The following RGP1 variants were observed in gnomAD, a reference collection of about 807,000 sequenced individuals.
RGP1 encodes RAB6A-GEF complex partner protein 2.
In RGP1, 28 loss-of-function variants were observed where a neutral mutation model predicts 44.5. The ratio of observed to expected loss-of-function variants is 0.63; its 90% CI spans 0.47 to 0.86. The LOEUF is 0.86. Ranked by LOEUF, RGP1 falls within the 40% of genes least tolerant of loss-of-function variation. The probability of loss-of-function intolerance (pLI) is 0.00; values close to 1 mark genes in which losing one functional copy is unlikely to be tolerated. For synonymous variants in RGP1, 212 were observed against 196.7 expected, an observed-to-expected ratio of 1.08 and a Z score of -0.65; for missense variants, 417 against 490.7, an observed-to-expected ratio of 0.85 and a Z score of 1.42.
chr9:35,789,329 CTTTTTTTTT>C, the RGP1 span, among the ~76,000 whole-genome samples: 11 of 137,682 alleles, frequency 8.0e-5, no homozygotes, highest in Non-Finnish European at 7.9e-5. Context: ...CTTCCACTTC[CTTTTTTTTT>C]TTTTTTTTTT....
chr9:35,770,449 C>CATAGAAATTGGTT, the RGP1 span, among the ~76,000 whole-genome samples: 1 of 147,298 alleles, frequency 6.8e-6, no homozygotes, highest in Non-Finnish European at 1.5e-5. Flanking sequence ...ATTCTTGGCA[C>CATAGAAATTGGTT]ATAGAAATTG....
At chr9:35,769,003 G>A in the RGP1 span, among the ~76,000 whole-genome samples, 1 of 152,188 alleles carries the variant, frequency 6.6e-6, no homozygotes, top group Non-Finnish European at 1.5e-5. Context: ...CACCACTTTC[G>A]ATAAACTGAG....
At chr9:35,779,318 T>C in the RGP1 span, among the ~76,000 whole-genome samples, 1 of 152,032 alleles carries the variant, frequency 6.6e-6, no homozygotes, top group Non-Finnish European at 1.5e-5. Flanking sequence ...TTCCCTCCTT[T>C]CCCCCCTTAA....
chr9:35,783,323 A>G, the RGP1 span, among the ~76,000 whole-genome samples: 1 of 152,198 alleles, frequency 6.6e-6, no homozygotes, highest in Admixed American at 6.5e-5. Context: ...CTTTGTGGTA[A>G]GAACATTCAA....
At position 35,758,117 on chromosome 9, in the gene RGP1, T is replaced by C. The variant is rs904191334; in HGVS notation, c.*5243T>C. On this transcript the variant is annotated 3_prime_UTR_variant, in exon 9 of 9. Transcript: ENST00000378078. ...GATCAGTAGTGCTGCACTTCCACTT[T>C]TCCTCTCCCTCATTTTACTGTCTTT... 3 of 152,236 alleles carry C rather than the reference T, an allele frequency of 2.0e-5. No homozygotes were observed. The highest frequency in any genetic ancestry group is 7.2e-5 in the African/African-American group (3 of 41,462). The allele number at this position is 152,236 out of a possible 1,614,324, so 9.4% of individuals were successfully genotyped here. A position where few individuals can be genotyped will look rare whatever the true frequency, so the allele number is the denominator to read the frequency against.
chr9:35,782,558 T>C, the RGP1 span, among the ~76,000 whole-genome samples: 3 of 152,176 alleles, frequency 2.0e-5, no homozygotes, highest in Non-Finnish European at 2.9e-5. Context: ...ATGATTCTCC[T>C]GCTCAGTCTC....
rs751932868 is a variant in RGP1 at position 35,753,970 on chromosome 9, C to T, written c.*1096C>T. The T allele has an allele frequency of 6.2e-7, 1 of 1,601,262 alleles. No homozygotes were observed. Among genetic ancestry groups the T allele is most frequent in the Admixed American group, 1.7e-5 (1 of 59,432 alleles). ...CCTCCCTGTGCCCTCTCTGCTGCTC[C>T]TCCATTCCTAACGCTTCACCCCACT... is the stretch of plus-strand genomic sequence containing the variant. On this transcript the variant is annotated 3_prime_UTR_variant, in exon 9 of 9. Coordinates refer to ENST00000378078, the MANE Select transcript of RGP1 (RefSeq NM_001080496.3). This position sits in a 1 kb window ranked among gnomAD's most constrained non-coding sequence, Gnocchi z 4.2.
Position 35,753,667 on chromosome 9 carries a change from A to C in RGP1, c.*793A>C. ...CCATCTTTGGTCACTCACGTGTCAC[A>C]GCAGCCCACGCCAACAGGATGCAGA... is the stretch of plus-strand genomic sequence containing the variant. On this transcript the variant is annotated 3_prime_UTR_variant, in exon 9 of 9. Transcript: ENST00000378078. This position sits in a 1 kb window ranked among gnomAD's most constrained non-coding sequence, Gnocchi z 4.2. 1.2e-6 allele frequency: 2 copies of C among 1,613,712 alleles called. No homozygotes were observed. Among genetic ancestry groups the C allele is most frequent in the Non-Finnish European group, 1.7e-6 (2 of 1,179,644 alleles).
downstream of RGP1, among the ~76,000 whole-genome samples, chr9:35,762,865 TA>T (rs397978318): frequency 2.8e-4 from 42 of 147,964 alleles, no homozygotes; most frequent in Admixed American, 2.7e-4. Flanking sequence ...GTTCTGCTGT[TA>T]AAAAAAAAAA....
chr9:35,751,958 T>C lies in RGP1; in HGVS notation c.765T>C (p.Phe255=). Reference sequence around the variant, plus strand: ...ACACACCTGTCTCTTGCTCCCAGTTTTCAGTCAGCTTACAGACCGAGGAGC... The same window carrying C: ...ACACACCTGTCTCTTGCTCCCAGTTCTCAGTCAGCTTACAGACCGAGGAGC... ...LGEGTVACLQ[F]SVSLQTEERV... Residue 255 remains phenylalanine, a splice_region_variant and synonymous_variant, in exon 8 of 9, where the codon TTT becomes TTC. Coordinates refer to ENST00000378078, the MANE Select transcript of RGP1 (RefSeq NM_001080496.3). The C allele has an allele frequency of 6.4e-7, 1 of 1,567,046 alleles. No individual in the cohort carries two copies. The highest frequency in any genetic ancestry group is 8.7e-7 in the Non-Finnish European group (1 of 1,155,548).
the RGP1 span, among the ~76,000 whole-genome samples, chr9:35,784,672 C>T: frequency 6.6e-6 from 1 of 152,056 alleles, no homozygotes; most frequent in Non-Finnish European, 1.5e-5. Context: ...AGGCTGGTCT[C>T]TTGGCCAAGC....
In RGP1 at chr9:35,756,955, G is replaced by C. The variant is rs1253617920; in HGVS notation, c.*4081G>C. On this transcript the variant is annotated 3_prime_UTR_variant, in exon 9 of 9. Transcript: ENST00000378078. ...GGGGCGGTGCAGAGGTGTGGGTCGAGCCCGCATGCGTGCCTGCTGGGGAGG... is the reference window on the plus strand; with the variant it reads ...GGGGCGGTGCAGAGGTGTGGGTCGACCCCGCATGCGTGCCTGCTGGGGAGG... The C allele has an allele frequency of 6.6e-6, 1 of 152,568 alleles. No individual in the cohort carries two copies. Among genetic ancestry groups the C allele is most frequent in the Non-Finnish European group, 1.5e-5 (1 of 68,330 alleles). 9.5% of individuals were successfully genotyped at this position (152,568 alleles called of 1,614,324 possible).
At chr9:35,767,465 C>T in the RGP1 span, among the ~76,000 whole-genome samples, 1 of 151,876 alleles carries the variant, frequency 6.6e-6, no homozygotes, top group African/African-American at 2.4e-5. Context: ...CTTCAAGTAT[C>T]AAAAATAAGT....
Position 35,754,153 on chromosome 9 carries a change from C to G in RGP1, c.*1279C>G. 6.3e-7 allele frequency: 1 copy of G among 1,598,784 alleles called. No homozygotes were observed. Among genetic ancestry groups the G allele is most frequent in the Non-Finnish European group, 8.5e-7 (1 of 1,170,634 alleles). ...ATTGCTGCTGCACAGCCCTCTCAGA[C>G]CCTTCTTGGCCTCTGCTCAGCTACT... is the stretch of plus-strand genomic sequence containing the variant. On this transcript the variant is annotated 3_prime_UTR_variant, in exon 9 of 9. Coordinates refer to ENST00000378078, the MANE Select transcript of RGP1 (RefSeq NM_001080496.3).
chr9:35,763,299 A>G (rs950478558), downstream of RGP1, among the ~76,000 whole-genome samples: 2 of 152,158 alleles, frequency 1.3e-5, no homozygotes, highest in African/African-American at 4.8e-5. Flanking sequence ...ATTCTTTAGG[A>G]TCCTCATTGT....
chr9:35,787,375 G>C, the RGP1 span, among the ~76,000 whole-genome samples: 1 of 151,906 alleles, frequency 6.6e-6, no homozygotes, highest in Non-Finnish European at 1.5e-5. Context: ...GATTACAGGT[G>C]CCTGCCACCA....
At chr9:35,782,072 C>G in the RGP1 span, among the ~76,000 whole-genome samples, 5 of 148,976 alleles carry the variant, frequency 3.4e-5, no homozygotes, top group African/African-American at 1.2e-4. Flanking sequence ...CTGCAACCTC[C>G]CCCTCCCGGG....
In RGP1 at chr9:35,749,770, A is replaced by G; in HGVS notation, c.15A>G (p.Val5=). The G allele has an allele frequency of 6.2e-7, 1 of 1,613,202 alleles. No homozygotes were observed. The highest frequency in any genetic ancestry group is 1.1e-5 in the South Asian group (1 of 90,998). MIEV[V]AELSRGPVFL... is the part of the protein sequence containing the mutation. ...CCGGAGCTGCCATGATTGAAGTGGT[A>G]GCAGAGCTCAGCCGGGGTCCTGTAT... The change falls in exon 2 of 9, where the codon GTA becomes GTG. Residue 5 remains valine (V), a synonymous_variant. Coordinates refer to ENST00000378078, the MANE Select transcript of RGP1 (RefSeq NM_001080496.3). This position sits in a 1 kb window ranked among gnomAD's most constrained non-coding sequence, Gnocchi z 4.4.
chr9:35,769,615 G>T, the RGP1 span, among the ~76,000 whole-genome samples: 1 of 152,186 alleles, frequency 6.6e-6, no homozygotes, highest in Non-Finnish European at 1.5e-5. Flanking sequence ...ATCTAATAAT[G>T]ATTTTGAGGT....
Sources: allele counts gnomAD v4.1 joint callset (sites outside exome capture counted in the v4.1 genomes callset), GRCh38; gene constraint gnomAD v4.1.1; non-coding constraint Gnocchi (gnomAD v3.1); transcripts MANE v1.5; gene names NCBI Gene and HGNC (gene_info 2026-07-23, HGNC 2026-07-21).